Variants in NPRL3 observed in about 807,000 individuals in gnomAD.
NPRL3 encodes the protein GATOR1 complex protein NPRL3.
NPRL3 carries 23 observed loss-of-function variants against 57.2 expected under a neutral mutation model. The observed-to-expected ratio is 0.40, with a 90% CI of 0.29 to 0.57. The LOEUF is 0.57. Among genes scored for constraint, NPRL3 ranks in the 20% least tolerant of loss-of-function variants. The probability of loss-of-function intolerance (pLI) is 0.42; values close to 1 mark genes in which losing one functional copy is unlikely to be tolerated. For synonymous variants in NPRL3, 333 were observed against 321.1 expected (o/e 1.04, Z -0.39); for missense variants, 691 against 767.1 (o/e 0.90, Z 1.17).
chr16:91,044 T>C (rs1291554169), intron 11 of NPRL3: 6 of 149,486 alleles, frequency 4.0e-5, no homozygotes, highest in African/African-American at 1.2e-4. Context: ...CACGCCACTG[T>C]ACTTCAGCCT....
intron 7 of NPRL3, among the ~76,000 whole-genome samples, chr16:103,416 C>T (rs551723733): frequency 2.1e-5 from 3 of 144,774 alleles, no homozygotes; most frequent in Non-Finnish European, 3.0e-5. Flanking sequence ...GCTAGGATTA[C>T]AGGCGTGAGC....
At chr16:128,280 T>C (rs1409172260) in intron 3 of NPRL3, among the ~76,000 whole-genome samples, 3 of 152,212 alleles carry the variant, frequency 2.0e-5, no homozygotes. Flanking sequence ...CCACGACATC[T>C]GGCCTATTTC....
At position 85,613 on chromosome 16, in the gene NPRL3, G is replaced by A. The variant is rs1011519847; in HGVS notation, c.*1092C>T. Reference sequence around the variant, plus strand: ...GGCACAGGATGAAGCTGTATGGCTGGAGCGTGGTCCCCTGGAGCCCAGTGA... The same window carrying A: ...GGCACAGGATGAAGCTGTATGGCTGAAGCGTGGTCCCCTGGAGCCCAGTGA... On this transcript the variant is annotated 3_prime_UTR_variant, in exon 14 of 14. Transcript: ENST00000611875. 13 of 1,607,042 alleles carry A rather than the reference G, an allele frequency of 8.1e-6. No homozygotes were observed. In the East Asian group the frequency reaches 2.0e-4, roughly 25 times the overall value.
intron 7 of NPRL3, among the ~76,000 whole-genome samples, chr16:103,562 C>T (rs951401715): frequency 1.3e-5 from 2 of 152,048 alleles, no homozygotes; most frequent in Non-Finnish European, 2.9e-5. Flanking sequence ...CATCTAGGAG[C>T]ACAGTGAGGC....
At chr16:128,898 G>A (rs910235074) in intron 3 of NPRL3, among the ~76,000 whole-genome samples, 1 of 152,186 alleles carries the variant, frequency 6.6e-6, no homozygotes, top group Admixed American at 6.5e-5. Context: ...TAAACCAGGA[G>A]GGGAACTGAG....
intron 9 of NPRL3, among the ~76,000 whole-genome samples, chr16:95,221 G>C (rs1470971079): frequency 6.6e-6 from 1 of 151,814 alleles, no homozygotes; most frequent in Non-Finnish European, 1.5e-5. Flanking sequence ...CATAGATTTT[G>C]GGGATTAGGA....
intron 7 of NPRL3, among the ~76,000 whole-genome samples, chr16:110,139 C>T (rs1219260446): frequency 6.6e-6 from 1 of 152,130 alleles, no homozygotes; most frequent in Non-Finnish European, 1.5e-5. Context: ...TGTGGTGGCG[C>T]ATGCCTGTAA....
chr16:105,987 A>G (rs1338118917), intron 7 of NPRL3, among the ~76,000 whole-genome samples: 1 of 152,208 alleles, frequency 6.6e-6, no homozygotes, highest in South Asian at 2.1e-4. Context: ...CAGGCTATTC[A>G]GCCACACCAT....
chr16:116,786 G>GAC (rs1175036456), intron 5 of NPRL3, among the ~76,000 whole-genome samples: 1 of 88,672 alleles, frequency 1.1e-5, no homozygotes, highest in Non-Finnish European at 2.0e-5. Context: ...AACATGGCGA[G>GAC]ACCCCCCCCC....
At chr16:113,232 C>G (rs2141951109) in intron 5 of NPRL3, among the ~76,000 whole-genome samples, 1 of 152,320 alleles carries the variant, frequency 6.6e-6, no homozygotes, top group African/African-American at 2.4e-5. Flanking sequence ...TAGGCAGAAC[C>G]AGTCTACAAT....
At chr16:104,092 C>T (rs1356312031) in intron 7 of NPRL3, among the ~76,000 whole-genome samples, 3 of 149,956 alleles carry the variant, frequency 2.0e-5, no homozygotes, top group Non-Finnish European at 4.4e-5. Context: ...TGCCATTGCA[C>T]TCCAGCCTGG....
intron 3 of NPRL3, among the ~76,000 whole-genome samples, chr16:119,717 T>A (rs998752464): frequency 2.0e-5 from 3 of 152,228 alleles, no homozygotes; most frequent in Non-Finnish European, 4.4e-5. Flanking sequence ...AAGAGCCGCG[T>A]GGAGGGCAAG....
intron 7 of NPRL3, 119 bp downstream of exon 7, chr16:110,406 C>T: frequency 1.4e-6 from 1 of 702,438 alleles, no homozygotes; most frequent in Admixed American, 2.4e-5. Context: ...AACCCTGATG[C>T]TCACACCCCA....
chr16:123,837 C>T (rs1309418569), intron 3 of NPRL3, among the ~76,000 whole-genome samples: 1 of 139,518 alleles, frequency 7.2e-6, no homozygotes, highest in Non-Finnish European at 1.5e-5. Context: ...GAAACAGGAT[C>T]ACACACTCCC....
intron 2 of NPRL3, among the ~76,000 whole-genome samples, chr16:133,666 A>T (rs1037908855): frequency 1.3e-5 from 2 of 152,204 alleles, no homozygotes; most frequent in African/African-American, 4.8e-5. Flanking sequence ...CCTGGCTTGG[A>T]GTAACACTTC....
intron 7 of NPRL3, among the ~76,000 whole-genome samples, chr16:107,477 C>T (rs1899585413): frequency 1.3e-5 from 2 of 151,760 alleles, no homozygotes; most frequent in Non-Finnish European, 1.5e-5. Context: ...AACCCCATCT[C>T]TACTAAAAAT....
At chr16:99,787 G>A (rs2141923611) in intron 8 of NPRL3, among the ~76,000 whole-genome samples, 1 of 151,686 alleles carries the variant, frequency 6.6e-6, no homozygotes, top group African/African-American at 2.4e-5. Flanking sequence ...AAAAAAATTA[G>A]CCAGGCATGG....
chr16:91,649 C>T (rs117606251), intron 11 of NPRL3, among the ~76,000 whole-genome samples: 2 of 152,354 alleles, frequency 1.3e-5, no homozygotes, highest in East Asian at 3.9e-4. Context: ...CTGTGAAAGA[C>T]CGCACTGAGA....
At chr16:127,337 T>C (rs1001475968) in intron 3 of NPRL3, 2 of 149,558 alleles carry the variant, frequency 1.3e-5, no homozygotes, top group East Asian at 4.1e-4. Flanking sequence ...GCAAGCTCCA[T>C]GTCCTGGGCT....
Sources: allele counts gnomAD v4.1 joint callset (sites outside exome capture counted in the v4.1 genomes callset), GRCh38; gene constraint gnomAD v4.1.1; transcripts MANE v1.5; gene names NCBI Gene and HGNC (gene_info 2026-07-23, HGNC 2026-07-21).